Variants in ASXL3 observed in about 807,000 individuals in gnomAD.
ASXL3 encodes the protein putative Polycomb group protein ASXL3.
Under a neutral mutation model 170.6 loss-of-function variants are expected in ASXL3, and 34 were observed. That is an observed-to-expected ratio of 0.20 (90% CI 0.15 to 0.27). The LOEUF (loss-of-function observed/expected upper bound fraction) is 0.27. ASXL3 is among the 10% of genes least tolerant of loss of function. The pLI is 1.00. For synonymous variants in ASXL3, 1,002 were observed against 989.1 expected, an observed-to-expected ratio of 1.01 and a Z score of -0.24; for missense variants, 2,592 against 2,695.3, an observed-to-expected ratio of 0.96 and a Z score of 0.85.
chr18:33,619,715 A>T (rs2065480047), intron 2 of ASXL3, among the ~76,000 whole-genome samples: 1 of 152,102 alleles, frequency 6.6e-6, no homozygotes, highest in Non-Finnish European at 1.5e-5. Flanking sequence ...ACAGATTGAA[A>T]TTCTTGTTTC....
At chr18:33,697,095 A>G (rs1307075780) in intron 8 of ASXL3, among the ~76,000 whole-genome samples, 2 of 152,166 alleles carry the variant, frequency 1.3e-5, no homozygotes, top group African/African-American at 2.4e-5. Flanking sequence ...ACAGAAATCA[A>G]TAACTAGGCA....
chr18:33,657,386 T>A (rs558802094), intron 4 of ASXL3, among the ~76,000 whole-genome samples: 1 of 152,146 alleles, frequency 6.6e-6, no homozygotes, highest in East Asian at 1.9e-4. Flanking sequence ...ATAGATCAAG[T>A]TTGTATTCTG....
rs1324813204 is a variant in ASXL3, at chr18:33,661,662, A to G, written c.402A>G (p.Ser134=). 1 of 1,612,548 alleles carries G rather than the reference A, an allele frequency of 6.2e-7. No homozygotes were observed. Among genetic ancestry groups the G allele is most frequent in the South Asian group, 1.1e-5 (1 of 90,918 alleles). The change falls in exon 5 of 12, where the codon TCA becomes TCG. Residue 134 remains serine, a synonymous_variant. Coordinates refer to ENST00000269197, the MANE Select transcript of ASXL3 (RefSeq NM_030632.3). ...ATGAAGCATCTTCCACTCGAGATTC[A>G]AGCCTTACTAACACAGCAGTGCAAA... The part of the protein sequence containing the change: ...VTDEASSTRD[S]SLTNTAVQSK...
chr18:33,675,511 T>G (rs1263662992), intron 7 of ASXL3, among the ~76,000 whole-genome samples: 4 of 152,214 alleles, frequency 2.6e-5, no homozygotes, highest in Admixed American at 1.3e-4. Context: ...TGTTCTAATT[T>G]AAGTTAATAA....
At chr18:33,587,760 A>G (rs1421031490) in intron 1 of ASXL3, among the ~76,000 whole-genome samples, 1 of 152,030 alleles carries the variant, frequency 6.6e-6, no homozygotes, top group Non-Finnish European at 1.5e-5. Flanking sequence ...CTGAATTTGT[A>G]GATTACAATT....
rs763356900 is a variant in ASXL3 at position 33,739,694 on chromosome 18, A to G, written c.2290A>G (p.Met764Val). Residue 764 changes from methionine to valine, a missense_variant, in exon 11 of 12, where the codon ATG (methionine) becomes GTG (valine). Around this residue, in one of 4 missense-constraint regions of ASXL3, gnomAD observed 2,246 missense variants for 2,219.6 expected, o/e 1.01. Transcript: ENST00000269197. ...PISNSSINER[M>V]AHQQRKSPSV... ...TTCCAACTCTTCCATAAATGAGAGAATGGCACATCAGCAAAGAAAGTCACC... is the reference window on the plus strand; with the variant it reads ...TTCCAACTCTTCCATAAATGAGAGAGTGGCACATCAGCAAAGAAAGTCACC... 1 of 1,613,936 alleles carries G rather than the reference A, an allele frequency of 6.2e-7. No individual in the cohort carries two copies. Among genetic ancestry groups the G allele is most frequent in the South Asian group, 1.1e-5 (1 of 91,088 alleles).
chr18:33,740,186 G>C lies in ASXL3; in HGVS notation c.2782G>C (p.Gly928Arg), dbSNP rs1368263033. ...EGSRNKTHKQ[G>R]STQSRLETSH... ...CTCTAGAAATAAAACACATAAGCAA[G>C]GGAGTACACAGAGTCGGTTAGAAAC... Residue 928 changes from glycine (G) to arginine (R), a missense_variant, in exon 11 of 12, where the codon GGG becomes CGG. Physicochemically the swap from Gly to Arg is moderately radical, Grantham distance 125. This residue lies in a region of ASXL3 where 2,246 missense variants were observed against 2,219.6 expected (regional missense o/e 1.01). Coordinates refer to ENST00000269197, the MANE Select transcript of ASXL3 (RefSeq NM_030632.3). 1 of 1,613,844 alleles carries C rather than the reference G, an allele frequency of 6.2e-7. No individual in the cohort carries two copies. Among genetic ancestry groups the C allele is most frequent in the South Asian group, 1.1e-5 (1 of 91,076 alleles).
chr18:33,691,684 C>T (rs910805662), intron 8 of ASXL3, among the ~76,000 whole-genome samples: 2 of 152,052 alleles, frequency 1.3e-5, no homozygotes, highest in Non-Finnish European at 2.9e-5. Flanking sequence ...CAGAACAGTG[C>T]TCTGATTGTA....
chr18:33,598,263 A>T (rs1259805654), intron 1 of ASXL3, among the ~76,000 whole-genome samples: 1 of 152,126 alleles, frequency 6.6e-6, no homozygotes, highest in Non-Finnish European at 1.5e-5. Context: ...GATCTTGGGA[A>T]GATTGTCTAC....
At chr18:33,596,511 A>G (rs1233406261) in intron 1 of ASXL3, among the ~76,000 whole-genome samples, 1 of 152,158 alleles carries the variant, frequency 6.6e-6, no homozygotes, top group Non-Finnish European at 1.5e-5. Flanking sequence ...GAATCAAATA[A>G]TTTCATATAA....
intron 8 of ASXL3, among the ~76,000 whole-genome samples, chr18:33,689,051 T>C (rs2145299314): frequency 6.6e-6 from 1 of 152,174 alleles, no homozygotes; most frequent in South Asian, 2.1e-4. Flanking sequence ...TGGAGTGCAG[T>C]GGCGTGATCT....
At chr18:33,613,201 A>T (rs1599395770) in intron 2 of ASXL3, among the ~76,000 whole-genome samples, 2 of 152,156 alleles carry the variant, frequency 1.3e-5, no homozygotes, top group African/African-American at 4.8e-5. Context: ...CTCCTATATC[A>T]TCATGGCCAG....
Position 33,739,724 on chromosome 18 carries a change from G to A in ASXL3, c.2320G>A (p.Val774Ile), listed in dbSNP as rs953306502. 6.2e-7 allele frequency: 1 copy of A among 1,613,710 alleles called. No homozygotes were observed. The highest frequency in any genetic ancestry group is 8.5e-7 in the Non-Finnish European group (1 of 1,179,880). Reference sequence around the variant, plus strand: ...ACATCAGCAAAGAAAGTCACCTTCTGTATCTGAAGAGCCACTCTCCCCGCA... The same window carrying A: ...ACATCAGCAAAGAAAGTCACCTTCTATATCTGAAGAGCCACTCTCCCCGCA... The part of the protein sequence containing the change: ...MAHQQRKSPS[V>I]SEEPLSPQKD... Residue 774 changes from valine (V) to isoleucine (I), a missense_variant, in exon 11 of 12, where the codon GTA becomes ATA. Val to Ile is a conservative substitution (Grantham distance 29, BLOSUM62 3). Transcript: ENST00000269197.
At chr18:33,689,527 T>C (rs990141906) in intron 8 of ASXL3, among the ~76,000 whole-genome samples, 3 of 152,200 alleles carry the variant, frequency 2.0e-5, no homozygotes, top group Non-Finnish European at 4.4e-5. Flanking sequence ...TCTTTAGTCT[T>C]TCCATGATGT....
intron 2 of ASXL3, among the ~76,000 whole-genome samples, chr18:33,639,496 A>G (rs746793432): frequency 6.6e-5 from 10 of 152,198 alleles, no homozygotes; most frequent in African/African-American, 2.4e-4. Context: ...CTAGATGTCT[A>G]TAATTAAAGA....
chr18:33,665,312 A>T (rs758156654), intron 5 of ASXL3, among the ~76,000 whole-genome samples: 1 of 152,130 alleles, frequency 6.6e-6, no homozygotes, highest in Non-Finnish European at 1.5e-5. Context: ...TGCAAAGCAG[A>T]TCTATTCTTG....
chr18:33,644,727 T>C (rs1193194681), intron 2 of ASXL3, among the ~76,000 whole-genome samples, 167 bp from the exon 3 acceptor site: 1 of 151,916 alleles, frequency 6.6e-6, no homozygotes. Flanking sequence ...TATTGTAATG[T>C]AGATGTTTTC....
chr18:33,593,453 G>A (rs1380865513), intron 1 of ASXL3, among the ~76,000 whole-genome samples: 4 of 151,760 alleles, frequency 2.6e-5, no homozygotes, highest in African/African-American at 9.7e-5. Context: ...GAAACTCCTG[G>A]CAGCTCACAG....
At chr18:33,704,249 C>T (rs776621110) in intron 8 of ASXL3, among the ~76,000 whole-genome samples, 4 of 152,110 alleles carry the variant, frequency 2.6e-5, no homozygotes, top group African/African-American at 7.2e-5. Flanking sequence ...TTACATTTCA[C>T]ATTCAAGAAA....
Sources: allele counts gnomAD v4.1 joint callset (sites outside exome capture counted in the v4.1 genomes callset), GRCh38; gene constraint gnomAD v4.1.1; regional missense constraint gnomAD v4.1.1; transcripts MANE v1.5; gene names NCBI Gene and HGNC (gene_info 2026-07-23, HGNC 2026-07-21).